Variants in PDK1 observed in about 807,000 individuals in gnomAD.
The protein encoded by PDK1 is pyruvate dehydrogenase kinase 1.
In PDK1, 39 loss-of-function variants were observed where a neutral mutation model predicts 54.2. The ratio of observed to expected loss-of-function variants is 0.72; its 90% CI spans 0.56 to 0.94. The LOEUF (loss-of-function observed/expected upper bound fraction) is 0.94, where lower values mean the gene tolerates loss of function less well. Ranked by LOEUF, PDK1 falls within the 40% of genes least tolerant of loss-of-function variation. The pLI is 0.00. For missense variants in PDK1, 552 were observed against 566.0 expected (o/e 0.98, Z 0.25); for synonymous variants, 221 against 207.1 (o/e 1.07, Z -0.58).
At chr2:172,623,786 T>C in the PDK1 span, among the ~76,000 whole-genome samples, 1 of 152,138 alleles carries the variant, frequency 6.6e-6, no homozygotes, top group African/African-American at 2.4e-5. Flanking sequence ...AAATGTGACA[T>C]TCTAGACTTA....
At chr2:172,613,395 G>A (rs1198289999), downstream of PDK1, among the ~76,000 whole-genome samples, 2 of 152,200 alleles carry the variant, frequency 1.3e-5, no homozygotes, top group Non-Finnish European at 2.9e-5. Flanking sequence ...CATGACTTTA[G>A]AAGAAATGCT....
the PDK1 span, among the ~76,000 whole-genome samples, chr2:172,687,651 G>A: frequency 1.3e-5 from 2 of 152,204 alleles, no homozygotes; most frequent in East Asian, 3.9e-4. Context: ...CATTCCGAGG[G>A]GTCTGAGCGC....
At chr2:172,663,195 G>T in the PDK1 span, among the ~76,000 whole-genome samples, 1 of 152,196 alleles carries the variant, frequency 6.6e-6, no homozygotes, top group African/African-American at 2.4e-5. Flanking sequence ...TAGATGACCA[G>T]TTTCTCCCTC....
the PDK1 span, chr2:172,723,968 A>G: frequency 6.6e-6 from 1 of 152,222 alleles, no homozygotes; most frequent in Admixed American, 6.5e-5. Context: ...AGCTGGGAAG[A>G]AAAGTTTTTC....
the PDK1 span, among the ~76,000 whole-genome samples, chr2:172,699,723 G>A: frequency 6.8e-6 from 1 of 147,848 alleles, no homozygotes; most frequent in Non-Finnish European, 1.5e-5. Context: ...AGAACTAAAT[G>A]TGCTTTTTTT....
At chr2:172,647,413 A>C in the PDK1 span, among the ~76,000 whole-genome samples, 3 of 152,290 alleles carry the variant, frequency 2.0e-5, no homozygotes, top group African/African-American at 7.2e-5. Flanking sequence ...GAAGCTGTAA[A>C]ATGCAAGTAA....
chr2:172,579,815 T>C (rs946760992), intron 8 of PDK1, among the ~76,000 whole-genome samples: 2 of 152,032 alleles, frequency 1.3e-5, no homozygotes, highest in Non-Finnish European at 2.9e-5. Context: ...CATTATTTTC[T>C]TGATATTTTC....
intron 8 of PDK1, among the ~76,000 whole-genome samples, 164 bp downstream of exon 8, chr2:172,570,988 G>A (rs1689221235): frequency 6.6e-6 from 1 of 151,946 alleles, no homozygotes; most frequent in South Asian, 2.1e-4. Context: ...TTGAGCTGGT[G>A]GATTATAGTT....
At chr2:172,699,763 T>C in the PDK1 span, among the ~76,000 whole-genome samples, 4 of 152,004 alleles carry the variant, frequency 2.6e-5, no homozygotes, top group Non-Finnish European at 5.9e-5. Context: ...TATTATTATT[T>C]TTTTTTTAGT....
chr2:172,640,052 A>C, the PDK1 span, among the ~76,000 whole-genome samples: 1 of 152,218 alleles, frequency 6.6e-6, no homozygotes, highest in Non-Finnish European at 1.5e-5. Flanking sequence ...TGGACCAAGG[A>C]GATAGGACTG....
At chr2:172,689,440 A>T in the PDK1 span, among the ~76,000 whole-genome samples, 2 of 152,236 alleles carry the variant, frequency 1.3e-5, no homozygotes, top group Admixed American at 1.3e-4. Flanking sequence ...TAATTTATAG[A>T]TTTAATGCCA....
At chr2:172,570,916 A>T in intron 8 of PDK1, 92 bp downstream of exon 8, 1 of 691,152 alleles carries the variant, frequency 1.4e-6, no homozygotes. Context: ...TTTCTAAAAG[A>T]CATAATCTAC....
At chr2:172,709,588 G>C in the PDK1 span, among the ~76,000 whole-genome samples, 1 of 152,136 alleles carries the variant, frequency 6.6e-6, no homozygotes, top group Admixed American at 6.5e-5. Context: ...TTGCTCGAAT[G>C]GTTACATTGT....
At chr2:172,691,251 G>A in the PDK1 span, 3 of 150,198 alleles carry the variant, frequency 2.0e-5, 1 homozygote, top group East Asian at 6.2e-4. Context: ...GGGTACATTC[G>A]TTACAATTGA....
chr2:172,649,954 C>G, the PDK1 span, among the ~76,000 whole-genome samples: 1 of 152,158 alleles, frequency 6.6e-6, no homozygotes, highest in Non-Finnish European at 1.5e-5. Context: ...CCTAGTGAGG[C>G]AGGCCAACAT....
At chr2:172,690,368 T>C in the PDK1 span, among the ~76,000 whole-genome samples, 17 of 150,038 alleles carry the variant, frequency 1.1e-4, 2 homozygotes, top group Non-Finnish European at 4.4e-5. Context: ...CAGGAGAGAA[T>C]GTAGAGAAAT....
At chr2:172,620,143 A>AT in the PDK1 span, among the ~76,000 whole-genome samples, 2 of 152,200 alleles carry the variant, frequency 1.3e-5, no homozygotes, top group Non-Finnish European at 2.9e-5. Flanking sequence ...TCCAGTCTGG[A>AT]TGACAGAGTG....
At chr2:172,556,592 C>G (rs1688342430) in intron 1 of PDK1, 2 of 363,156 alleles carry the variant, frequency 5.5e-6, no homozygotes. Context: ...AGCTGGGCCG[C>G]GGGACGACCT....
chr2:172,700,047 CAT>C, the PDK1 span, among the ~76,000 whole-genome samples: 1 of 152,178 alleles, frequency 6.6e-6, no homozygotes, highest in African/African-American at 2.4e-5. Context: ...GGACACAGCA[CAT>C]GTTTCAGAGA....
Sources: allele counts gnomAD v4.1 joint callset (sites outside exome capture counted in the v4.1 genomes callset), GRCh38; gene constraint gnomAD v4.1.1; transcripts MANE v1.5; gene names NCBI Gene and HGNC (gene_info 2026-07-23, HGNC 2026-07-21).